Variants in TENT5D observed in about 807,000 individuals in gnomAD.
The protein encoded by TENT5D is cancer/testis antigen 112.
For missense variants in TENT5D, 191 were observed against 287.0 expected (o/e 0.67, Z 2.42); for synonymous variants, 103 against 100.6 (o/e 1.02, Z -0.15).
At chrX:80,405,710 TAAAC>T (rs1249097834) in intron 3 of TENT5D, among the ~76,000 whole-genome samples, 2 of 111,642 alleles carry the variant, frequency 1.8e-5, no homozygotes, top group African/African-American at 3.3e-5. Context: ...CTTGCTTAGG[TAAAC>T]AAAGCAGCAG....
At chrX:80,379,093 TCGAAGGC>T (rs1930797383) in intron 3 of TENT5D, among the ~76,000 whole-genome samples, 1 of 103,791 alleles carries the variant, frequency 9.6e-6, no homozygotes, top group Non-Finnish European at 2.0e-5. Context: ...TTGAATTTTG[TCGAAGGC>T]CTTTTCTGCA....
intron 3 of TENT5D, among the ~76,000 whole-genome samples, chrX:80,371,165 A>G (rs1930618605): frequency 8.9e-6 from 1 of 111,814 alleles, no homozygotes; most frequent in Admixed American, 9.5e-5. Context: ...CAGTGTCAGC[A>G]TTACCTGGGA....
At chrX:80,366,108 A>G (rs1259526019) in intron 3 of TENT5D, among the ~76,000 whole-genome samples, 5 of 110,304 alleles carry the variant, frequency 4.5e-5, no homozygotes, top group African/African-American at 1.6e-4. Context: ...ATTTCATGGT[A>G]TGTTAAGAAA....
intron 1 of TENT5D, among the ~76,000 whole-genome samples, chrX:80,437,357 G>A (rs1932201949): frequency 8.9e-6 from 1 of 111,821 alleles, no homozygotes; most frequent in Non-Finnish European, 1.9e-5. Flanking sequence ...AGTATTGAAT[G>A]AGTAAAATAC....
chrX:80,384,979 G>A (rs868373474), intron 3 of TENT5D, among the ~76,000 whole-genome samples: 2 of 111,454 alleles, frequency 1.8e-5, no homozygotes, highest in Non-Finnish European at 3.8e-5. Flanking sequence ...TCAATATTGT[G>A]AAAATGGCCA....
intron 3 of TENT5D, among the ~76,000 whole-genome samples, chrX:80,367,397 A>T (rs947537044): frequency 1.8e-5 from 2 of 111,396 alleles, no homozygotes; most frequent in East Asian, 5.7e-4. Flanking sequence ...TGTGGTGGGG[A>T]TGTGAATTAG....
chrX:80,413,915 A>G (rs1193979495), intron 3 of TENT5D, among the ~76,000 whole-genome samples: 1 of 112,735 alleles, frequency 8.9e-6, no homozygotes, highest in Non-Finnish European at 1.9e-5. Flanking sequence ...TAAGCAAAGC[A>G]AAGAATTGCA....
At chrX:80,397,021 G>GT (rs1292241138) in intron 3 of TENT5D, among the ~76,000 whole-genome samples, 3 of 94,135 alleles carry the variant, frequency 3.2e-5, no homozygotes, top group African/African-American at 1.2e-4. Flanking sequence ...CGTCTGGCCG[G>GT]GGGGGGGGCT....
chrX:80,443,492 G>A (rs1932328202), exon 3 of TENT5D: 1 of 1,209,144 alleles, frequency 8.3e-7, no homozygotes, highest in African/African-American at 1.7e-5. Flanking sequence ...AGTTATGAAA[G>A]AAGACAGATT....
At chrX:80,342,238 G>A (rs1468136340) in intron 2 of TENT5D, among the ~76,000 whole-genome samples, 1 of 111,547 alleles carries the variant, frequency 9.0e-6, no homozygotes, top group Admixed American at 9.5e-5. Context: ...ATACTTATCA[G>A]ACTTTTCATA....
chrX:80,396,896 C>CG (rs1931263427), intron 3 of TENT5D, among the ~76,000 whole-genome samples: 2 of 77,215 alleles, frequency 2.6e-5, no homozygotes, highest in Admixed American at 1.4e-4. Flanking sequence ...GCTGGCCGGG[C>CG]GGGGGGCTGA....
chrX:80,410,928 G>T (rs1391272855), intron 3 of TENT5D, among the ~76,000 whole-genome samples: 1 of 106,448 alleles, frequency 9.4e-6, no homozygotes, highest in Non-Finnish European at 1.9e-5. Context: ...AAAATGATGA[G>T]TTCATGTCCT....
chrX:80,335,542 C>T (rs1168642015), exon 1 of TENT5D: 1 of 111,663 alleles, frequency 9.0e-6, no homozygotes, highest in Non-Finnish European at 1.9e-5. Context: ...TCGCCTGCAC[C>T]CAGTCTAACC....
chrX:80,366,716 C>T (rs773827578), intron 3 of TENT5D, among the ~76,000 whole-genome samples: 2 of 111,341 alleles, frequency 1.8e-5, no homozygotes, highest in Non-Finnish European at 3.8e-5. Flanking sequence ...TTGTTTTCCA[C>T]ATTTAATAGA....
intron 3 of TENT5D, among the ~76,000 whole-genome samples, chrX:80,343,176 A>G (rs188843783): frequency 9.0e-6 from 1 of 111,273 alleles, no homozygotes; most frequent in African/African-American, 3.3e-5. Flanking sequence ...TAATGCTCAG[A>G]TATTACATGT....
At chrX:80,352,905 A>C (rs931168762) in intron 3 of TENT5D, among the ~76,000 whole-genome samples, 1 of 110,190 alleles carries the variant, frequency 9.1e-6, no homozygotes, top group Non-Finnish European at 1.9e-5. Flanking sequence ...GCAGTCTCTC[A>C]TGGCTTCCCT....
intron 3 of TENT5D, among the ~76,000 whole-genome samples, chrX:80,405,406 G>T (rs764355341): frequency 9.0e-6 from 1 of 110,845 alleles, no homozygotes; most frequent in East Asian, 2.9e-4. Context: ...CGCACCGTGC[G>T]CGAGCCGAAG....
intron 3 of TENT5D, among the ~76,000 whole-genome samples, chrX:80,406,444 G>C (rs1326994817): frequency 9.3e-6 from 1 of 107,275 alleles, no homozygotes; most frequent in Admixed American, 1.0e-4. Flanking sequence ...CGAGAACTAC[G>C]TGAAGAATGC....
chrX:80,443,466 C>T (rs1178081454), exon 3 of TENT5D: 1 of 1,209,351 alleles, frequency 8.3e-7, no homozygotes, highest in Non-Finnish European at 1.1e-6. Context: ...TGAATGAAAG[C>T]ACTGTTTGCC....
Sources: allele counts gnomAD v4.1 joint callset (sites outside exome capture counted in the v4.1 genomes callset), GRCh38; gene constraint gnomAD v4.1.1; transcripts MANE v1.5; gene names NCBI Gene and HGNC (gene_info 2026-07-23, HGNC 2026-07-21).